NEK5: variants seen among roughly 807,000 people sequenced by gnomAD.
NEK5 encodes serine/threonine-protein kinase Nek5.
NEK5 carries 88 observed loss-of-function variants against 109.2 expected under a neutral mutation model. That is an observed-to-expected ratio of 0.81 (90% confidence interval 0.68 to 0.96). The LOEUF is 0.96. NEK5 is among the 40% of genes least tolerant of loss of function. The pLI is 0.00. For missense variants in NEK5, 834 were observed against 920.7 expected (o/e 0.91, Z 1.22); for synonymous variants, 283 against 299.9 (o/e 0.94, Z 0.58).
intron 21 of NEK5, among the ~76,000 whole-genome samples, chr13:52,064,232 G>A (rs1389462455): frequency 2.8e-5 from 4 of 140,916 alleles, no homozygotes; most frequent in African/African-American, 1.1e-4. Flanking sequence ...AGGTGGGGGG[G>A]TCAGCCCCCC....
chr13:52,119,154 T>C (rs1955920459), intron 4 of NEK5, among the ~76,000 whole-genome samples, 165 bp downstream of exon 4: 1 of 152,102 alleles, frequency 6.6e-6, no homozygotes, highest in Non-Finnish European at 1.5e-5. Context: ...AAAAACTTAC[T>C]AGAGAGGAAA....
chr13:52,090,397 G>A lies in NEK5; in HGVS notation c.1209-1084C>T, dbSNP rs192891165. 2.6e-5 allele frequency among the ~76,000 whole-genome samples: 4 copies of A among 152,250 alleles called. No individual in the cohort carries two copies. In the East Asian group the frequency reaches 7.7e-4, roughly 29 times the overall value. ...ATGATAAGCATCCCCAATTTACAAA[G>A]AGGCAAGTTAATAATCAGGGATTTA... On this transcript the variant is annotated intron_variant, in intron 13 of 23. Transcript: ENST00000684899.
intron 16 of NEK5, among the ~76,000 whole-genome samples, chr13:52,084,658 C>T (rs1020281129): frequency 1.3e-5 from 2 of 151,748 alleles, no homozygotes; most frequent in Non-Finnish European, 2.9e-5. Context: ...CTGCTTTAGC[C>T]TCCCAAGTAG....
Position 52,099,793 on chromosome 13 carries a change from A to G in NEK5, c.976T>C (p.Leu326=). Residue 326 remains leucine, a synonymous_variant, in exon 12 of 24, where the codon TTG becomes CTG. Transcript: ENST00000684899. ...ISVPIKRNAI[L]HRNEWRPPAG... ...GGTGGTCTCCATTCATTTCTATGCA[A>G]TATAGCATTCCTTTTAATTGGCACA... 5 of 1,613,858 alleles carry G rather than the reference A, an allele frequency of 3.1e-6. No homozygotes were observed. The highest frequency in any genetic ancestry group is 3.4e-6 in the Non-Finnish European group (4 of 1,179,728).
chr13:52,095,720 T>C (rs1327248276), intron 12 of NEK5, among the ~76,000 whole-genome samples: 3 of 152,208 alleles, frequency 2.0e-5, no homozygotes, highest in Non-Finnish European at 4.4e-5. Flanking sequence ...AGACCCTGAC[T>C]CTACAAAAAG....
At chr13:52,121,157 ATCT>A (rs1955961956) in intron 3 of NEK5, among the ~76,000 whole-genome samples, 1 of 130,874 alleles carries the variant, frequency 7.6e-6, no homozygotes, top group Admixed American at 8.1e-5. Context: ...TGCTGAAGAA[ATCT>A]TTTTTTTTTT....
chr13:52,122,339 AC>A (rs1478484620), intron 3 of NEK5, among the ~76,000 whole-genome samples: 2 of 152,176 alleles, frequency 1.3e-5, no homozygotes, highest in African/African-American at 4.8e-5. Context: ...TATAATGGAC[AC>A]CCTGCAGGTG....
At chr13:52,067,160 A>G (rs1431284531) in intron 20 of NEK5, among the ~76,000 whole-genome samples, 1 of 152,174 alleles carries the variant, frequency 6.6e-6, no homozygotes, top group African/African-American at 2.4e-5. Context: ...GTACCACTTC[A>G]CTGTTCTTCT....
rs140989807 is a variant in NEK5, at chr13:52,125,550, G to A, written c.117+1816C>T. Among the ~76,000 whole-genome samples the A allele has an allele frequency of 3.2e-3, 485 of 152,266 alleles. 3 individuals carry two copies. The highest frequency in any genetic ancestry group is 0.01 in the African/African-American group (435 of 41,536). ...TGCACTCCAGCCTGGGCGACAGAGC[G>A]AGACTCCACCTCAAAACAAAACCAC... On this transcript the variant is annotated intron_variant, in intron 3 of 23. Coordinates refer to ENST00000684899, the MANE Select transcript of NEK5 (RefSeq NM_001365552.1).
At chr13:52,066,465 G>T (rs1886546) in intron 20 of NEK5, among the ~76,000 whole-genome samples, 93,757 of 150,790 alleles carry the variant, frequency 0.62, 30,139 homozygotes, top group Non-Finnish European at 0.71. Context: ...TTATTCTGTG[G>T]TTTTTTTTTC....
intron 23 of NEK5, among the ~76,000 whole-genome samples, chr13:52,049,746 T>C (rs1954488301): frequency 1.3e-5 from 2 of 152,204 alleles, no homozygotes; most frequent in African/African-American, 2.4e-5. Context: ...CATTCAAAGC[T>C]GTCCTGGGCT....
intron 17 of NEK5, among the ~76,000 whole-genome samples, chr13:52,080,004 C>T (rs1284403519): frequency 6.9e-5 from 6 of 87,422 alleles, no homozygotes; most frequent in African/African-American, 1.2e-4. Context: ...ATCTGAGAAG[C>T]GAGGAGACCC....
intron 21 of NEK5, among the ~76,000 whole-genome samples, chr13:52,064,122 A>G (rs1455001392): frequency 1.8e-4 from 23 of 125,122 alleles, no homozygotes; most frequent in Middle Eastern, 0.011. Flanking sequence ...GGCCGCCCCT[A>G]CTGGGAAGTC....
At chr13:52,054,086 T>G (rs1954531506) in intron 22 of NEK5, among the ~76,000 whole-genome samples, 1 of 152,212 alleles carries the variant, frequency 6.6e-6, no homozygotes, top group Non-Finnish European at 1.5e-5. Flanking sequence ...TTGGGTAAAT[T>G]TTTGGTAAAT....
At chr13:52,104,703 T>C in intron 8 of NEK5, 151 bp from the exon 9 acceptor site, 2 of 638,348 alleles carry the variant, frequency 3.1e-6, no homozygotes, top group South Asian at 3.9e-5. Flanking sequence ...CATCAATTCT[T>C]ATTAGAAGAT....
intron 4 of NEK5, among the ~76,000 whole-genome samples, chr13:52,115,218 G>C (rs1366797115): frequency 8.6e-5 from 13 of 151,448 alleles, no homozygotes; most frequent in Non-Finnish European, 1.2e-4. Flanking sequence ...TTTCACTGTG[G>C]TCTCGATCTC....
chr13:52,105,409 A>G (rs1363669783), intron 8 of NEK5, among the ~76,000 whole-genome samples: 2 of 152,018 alleles, frequency 1.3e-5, no homozygotes, highest in Non-Finnish European at 2.9e-5. Flanking sequence ...TTCATTAACA[A>G]GGTTTCACCA....
chr13:52,096,170 T>C (rs1355482212), intron 12 of NEK5, among the ~76,000 whole-genome samples: 2 of 152,204 alleles, frequency 1.3e-5, no homozygotes, highest in Admixed American at 1.3e-4. Context: ...ATTTTCTTTA[T>C]AAATTACCCA....
chr13:52,102,051 A>G (rs1487897627), intron 10 of NEK5, 37 bp from the exon 11 acceptor site: 23 of 1,611,528 alleles, frequency 1.4e-5, no homozygotes, highest in Non-Finnish European at 1.9e-5. Flanking sequence ...CCTGCAACCC[A>G]AAATCTCTGC....
Sources: allele counts gnomAD v4.1 joint callset (sites outside exome capture counted in the v4.1 genomes callset), GRCh38; gene constraint gnomAD v4.1.1; transcripts MANE v1.5; gene names NCBI Gene and HGNC (gene_info 2026-07-23, HGNC 2026-07-21).